MADCAM1: variants seen among roughly 807,000 people sequenced by gnomAD.
MADCAM1 encodes mucosal addressin cell adhesion molecule 1.
Under a neutral mutation model 26.1 loss-of-function variants are expected in MADCAM1, and 19 were observed. The ratio of observed to expected loss-of-function variants is 0.73; its 90% CI spans 0.51 to 1.07. The LOEUF (loss-of-function observed/expected upper bound fraction) is 1.07, where lower values mean the gene tolerates loss of function less well. Among genes scored for constraint, MADCAM1 ranks in the 50% least tolerant of loss-of-function variants. The pLI, the probability that MADCAM1 is intolerant of heterozygous loss-of-function variation, is 0.00. For missense variants in MADCAM1, 514 were observed against 542.1 expected (o/e 0.95, Z 0.51); for synonymous variants, 268 against 260.9 (o/e 1.03, Z -0.26).
At chr19:501,287 G>A (rs1279747695) in intron 3 of MADCAM1, among the ~76,000 whole-genome samples, 1 of 151,038 alleles carries the variant, frequency 6.6e-6, no homozygotes, top group Admixed American at 6.6e-5. Flanking sequence ...GGAGTTCAAG[G>A]CCAGCCTGAC....
intron 3 of MADCAM1, chr19:499,070 C>G (rs1208313410): frequency 7.1e-6 from 5 of 705,940 alleles, no homozygotes; most frequent in Non-Finnish European, 1.3e-5. Context: ...GGTCAAAGCC[C>G]AAGTCCTCCC....
At chr19:497,803 G>A in intron 1 of MADCAM1, 30 bp from the exon 2 acceptor site, 2 of 1,263,012 alleles carry the variant, frequency 1.6e-6, no homozygotes, top group Non-Finnish European at 2.0e-6. Flanking sequence ...GGGACTCCGC[G>A]GGGCTGAGCG....
chr19:498,857 C>T lies in MADCAM1; in HGVS notation c.667+32C>T, dbSNP rs781050149. On this transcript the variant is annotated intron_variant, in intron 3 of 4. Transcript: ENST00000215637. ...CCGCTGGGTGCCCTGGAGACCCACCCGCTCGCCAGCCTTGACAAGCACTTC... is the reference window on the plus strand; with the variant it reads ...CCGCTGGGTGCCCTGGAGACCCACCTGCTCGCCAGCCTTGACAAGCACTTC... 12 of 1,430,988 alleles carry T rather than the reference C, an allele frequency of 8.4e-6. No individual in the cohort carries two copies. In the South Asian group the frequency reaches 1.4e-4, roughly 16 times the overall value. The allele number at this position is 1,430,988 out of a possible 1,614,324, so 88.6% of individuals were successfully genotyped here.
chr19:502,893 C>T (rs920766061), intron 4 of MADCAM1, among the ~76,000 whole-genome samples: 6 of 152,132 alleles, frequency 3.9e-5, no homozygotes, highest in Non-Finnish European at 5.9e-5. Flanking sequence ...AGTAGGTAAG[C>T]GCAAAGGAGG....
rs970637483 is a variant in MADCAM1, at chr19:497,909, C to G, written c.129C>G (p.Arg43=). 2.2e-6 allele frequency: 3 copies of G among 1,376,784 alleles called. No individual in the cohort carries two copies. The highest frequency in any genetic ancestry group is 1.7e-5 in the South Asian group (1 of 59,640). The allele number at this position is 1,376,784 out of a possible 1,614,324, so 85.3% of individuals were successfully genotyped here. A position where few individuals can be genotyped will look rare whatever the true frequency, so the allele number is the denominator to read the frequency against. Residue 43 remains arginine (R), a synonymous_variant, in exon 2 of 5, where the codon CGC becomes CGG. Coordinates refer to ENST00000215637, the MANE Select transcript of MADCAM1 (RefSeq NM_130760.3). Reference sequence around the variant, plus strand: ...TGGCCGTGGCCTTGGGCGCCTCGCGCCAGCTCACCTGCCGCCTGGCCTGCG... The same window carrying G: ...TGGCCGTGGCCTTGGGCGCCTCGCGGCAGCTCACCTGCCGCCTGGCCTGCG... ...PVVAVALGAS[R]QLTCRLACAD... is the part of the protein sequence containing the mutation.
intron 3 of MADCAM1, among the ~76,000 whole-genome samples, chr19:501,349 G>A (rs1409360839): frequency 6.6e-6 from 1 of 151,736 alleles, no homozygotes; most frequent in African/African-American, 2.4e-5. Flanking sequence ...GCCAGGTGTG[G>A]TGGCAAGCGC....
At chr19:503,337 T>C in intron 4 of MADCAM1, among the ~76,000 whole-genome samples, 1 of 149,432 alleles carries the variant, frequency 6.7e-6, no homozygotes, top group Non-Finnish European at 1.5e-5. Context: ...ATCCCTGCAC[T>C]TTGGGAGGCC....
At position 504,770 on chromosome 19, in the gene MADCAM1, G is replaced by T; in HGVS notation, c.954G>T (p.Leu318=). ...CGTCCAAACCTGCGGGTGACCAGCT[G>T]CCCGCGGCTCTGTGGACCAGCAGTG... ...TGSSKPAGDQ[L]PAALWTSSAV... The change falls in exon 5 of 5, where the codon CTG becomes CTT. Residue 318 remains leucine (L), a synonymous_variant. Transcript: ENST00000215637. 2.5e-6 allele frequency: 4 copies of T among 1,607,320 alleles called. No individual in the cohort carries two copies. The highest frequency in any genetic ancestry group is 3.4e-6 in the Non-Finnish European group (4 of 1,175,278).
At chr19:501,449 C>T (rs892771037) in intron 3 of MADCAM1, 5 of 390,868 alleles carry the variant, frequency 1.3e-5, no homozygotes, top group Non-Finnish European at 2.1e-5. Context: ...TGCGCCACTG[C>T]ACTCCAGCCT....
Position 505,336 on chromosome 19 carries a change from A to T in MADCAM1, c.*371A>T, listed in dbSNP as rs888981403. ...GAGGCTTTGGCAAATAAACCTCCTA[A>T]AATGATACAAACGTGTCAGTTTTCT... On this transcript the variant is annotated 3_prime_UTR_variant, in exon 5 of 5. Coordinates refer to ENST00000215637, the MANE Select transcript of MADCAM1 (RefSeq NM_130760.3). 3 of 196,906 alleles carry T rather than the reference A, an allele frequency of 1.5e-5. No individual in the cohort carries two copies. The highest frequency in any genetic ancestry group is 3.1e-5 in the Non-Finnish European group (3 of 97,106). 12.2% of individuals were successfully genotyped at this position (196,906 alleles called of 1,614,324 possible).
In MADCAM1 at chr19:504,193, A is replaced by G. The variant is rs188474805; in HGVS notation, c.929-552A>G. Among the ~76,000 whole-genome samples the G allele has an allele frequency of 5.9e-5, 9 of 151,914 alleles. No homozygotes were observed. In the East Asian group the frequency reaches 1.7e-3, roughly 29 times the overall value. On this transcript the variant is annotated intron_variant, in intron 4 of 4. Coordinates refer to ENST00000215637, the MANE Select transcript of MADCAM1 (RefSeq NM_130760.3). Reference sequence around the variant, plus strand: ...TCCCTTTTCCCCAGACTAAGTCTTCAAAGTGCAGATTGTAGGCTCAGCACC... The same window carrying G: ...TCCCTTTTCCCCAGACTAAGTCTTCGAAGTGCAGATTGTAGGCTCAGCACC...
intron 1 of MADCAM1, 93 bp from the exon 2 acceptor site, chr19:497,740 G>A: frequency 9.5e-7 from 1 of 1,049,424 alleles, no homozygotes; most frequent in Non-Finnish European, 1.2e-6. Context: ...GGCAGAGGCG[G>A]GGCGGGGTCC....
intron 4 of MADCAM1, among the ~76,000 whole-genome samples, chr19:502,698 GC>G (rs1229373887): frequency 1.3e-5 from 2 of 152,208 alleles, no homozygotes; most frequent in Non-Finnish European, 2.9e-5. Context: ...TTTACTTTCT[GC>G]AGAAAGGGTG....
rs924499232 is a variant in MADCAM1, at chr19:505,083, G to C, written c.*118G>C. The C allele has an allele frequency of 4.2e-6, 3 of 716,230 alleles. No individual in the cohort carries two copies. The African/African-American group carries it at 5.4e-5, about 13-fold the overall frequency. 44.4% of individuals were successfully genotyped at this position (716,230 alleles called of 1,614,324 possible). On this transcript the variant is annotated 3_prime_UTR_variant, in exon 5 of 5. Coordinates refer to ENST00000215637, the MANE Select transcript of MADCAM1 (RefSeq NM_130760.3). ...AGTCATCCCTCTGTTCACAGAGATG[G>C]ATGCATGTTCTGATTGCCTCTTTGG... is the stretch of plus-strand genomic sequence containing the variant.
At chr19:500,856 C>T (rs935369152) in intron 3 of MADCAM1, among the ~76,000 whole-genome samples, 15 of 151,104 alleles carry the variant, frequency 9.9e-5, no homozygotes, top group Non-Finnish European at 2.2e-4. Flanking sequence ...GGCAACAGAA[C>T]GAGACTCCAT....
chr19:504,294 C>T (rs183409417), intron 4 of MADCAM1, among the ~76,000 whole-genome samples: 23 of 120,412 alleles, frequency 1.9e-4, no homozygotes, highest in African/African-American at 6.9e-4. Context: ...GACAGAGTCT[C>T]ATTCTGTCAC....
At chr19:504,711 G>A (rs557375745) in intron 4 of MADCAM1, 34 bp from the exon 5 acceptor site, 1 of 1,514,962 alleles carries the variant, frequency 6.6e-7, no homozygotes, top group Admixed American at 1.7e-5. Context: ...GGCCTGGAGG[G>A]CTCTGACCGG....
chr19:501,965 A>G (rs1182157549), intron 4 of MADCAM1, 36 bp downstream of exon 4: 3 of 1,455,592 alleles, frequency 2.1e-6, no homozygotes, highest in Non-Finnish European at 2.7e-6. Flanking sequence ...GAGGGTGGGA[A>G]GGGCTGAGAG....
chr19:498,116 C>G lies in MADCAM1; in HGVS notation c.336C>G (p.Tyr112Ter), dbSNP rs1381656760. The change falls in exon 2 of 5, where the codon TAC becomes TAG. Residue 112 changes from tyrosine to a stop codon, truncating the protein, a stop_gained and splice_region_variant. Coordinates refer to ENST00000215637, the MANE Select transcript of MADCAM1 (RefSeq NM_130760.3). LOFTEE classifies it high-confidence loss of function. ...AGCACACCGTGCAGCTCCTTGTGTA[C>G]GGTGAGGCGTCCCCCCGCGCCCTGC... ...TFQHTVQLLV[Y>*]AFPDQLTVSP... 2 of 1,326,832 alleles carry G rather than the reference C, an allele frequency of 1.5e-6. No individual in the cohort carries two copies. The highest frequency in any genetic ancestry group is 1.9e-6 in the Non-Finnish European group (2 of 1,038,680). 82.2% of individuals were successfully genotyped at this position (1,326,832 alleles called of 1,614,324 possible).
Sources: gnomAD v4.1 joint callset for allele counts (sites outside exome capture counted in the v4.1 genomes callset) on GRCh38, gnomAD v4.1.1 for gene constraint, MANE v1.5 for transcripts, NCBI Gene and HGNC (gene_info 2026-07-23, HGNC 2026-07-21) for gene names.